The following FARS2 variants were observed in gnomAD, a reference collection of about 807,000 sequenced individuals.
The protein encoded by FARS2 is phenylalanine--tRNA ligase, mitochondrial.
FARS2 carries 40 observed loss-of-function variants against 46.4 expected under a neutral mutation model. The ratio of observed to expected loss-of-function variants is 0.86; its 90% CI spans 0.67 to 1.12. FARS2 has a LOEUF of 1.12. FARS2 is among the 50% of genes most tolerant of loss of function. The pLI, the probability that FARS2 is intolerant of heterozygous loss-of-function variation, is 0.00. For missense variants in FARS2, 513 were observed against 567.9 expected (o/e 0.90, Z 0.98); for synonymous variants, 234 against 214.9 (o/e 1.09, Z -0.78).
At chr6:5,312,382 C>T (rs377682834) in intron 1 of FARS2, among the ~76,000 whole-genome samples, 1 of 152,184 alleles carries the variant, frequency 6.6e-6, no homozygotes, top group East Asian at 1.9e-4. Flanking sequence ...TTCATAACAA[C>T]CTTGAGAAGT....
chr6:5,533,128 A>C (rs1410249175), intron 4 of FARS2, among the ~76,000 whole-genome samples: 1 of 152,146 alleles, frequency 6.6e-6, no homozygotes, highest in Non-Finnish European at 1.5e-5. Context: ...CCTGGGCCTC[A>C]GGGGACTTGC....
intron 1 of FARS2, among the ~76,000 whole-genome samples, chr6:5,296,243 A>G (rs770536240): frequency 1.0e-4 from 14 of 134,492 alleles, no homozygotes; most frequent in African/African-American, 2.8e-4. Context: ...CCGGGTTCAC[A>G]CCATTCTCCT....
chr6:5,489,612 A>C (rs957518480), intron 4 of FARS2, among the ~76,000 whole-genome samples: 1 of 152,038 alleles, frequency 6.6e-6, no homozygotes, highest in African/African-American at 2.4e-5. Context: ...ATATGCTTCC[A>C]TCTCTTTCCT....
chr6:5,327,273 ATTGT>A (rs1212772340), intron 1 of FARS2, among the ~76,000 whole-genome samples: 1 of 152,224 alleles, frequency 6.6e-6, no homozygotes, highest in Non-Finnish European at 1.5e-5. Context: ...CAAAATCTAC[ATTGT>A]TTGTCAAATT....
intron 6 of FARS2, among the ~76,000 whole-genome samples, chr6:5,639,074 A>C (rs1258404556): frequency 6.6e-6 from 1 of 152,244 alleles, no homozygotes; most frequent in Non-Finnish European, 1.5e-5. Flanking sequence ...ATGTAGTAGA[A>C]AGAGACCTGT....
chr6:5,285,651 T>C (rs1767055402), intron 1 of FARS2, among the ~76,000 whole-genome samples: 1 of 152,160 alleles, frequency 6.6e-6, no homozygotes, highest in Non-Finnish European at 1.5e-5. Flanking sequence ...CATTAGCAGT[T>C]CCATATCAGC....
At chr6:5,299,496 G>C (rs1201209380) in intron 1 of FARS2, among the ~76,000 whole-genome samples, 2 of 152,184 alleles carry the variant, frequency 1.3e-5, no homozygotes, top group Non-Finnish European at 2.9e-5. Flanking sequence ...GTCTTGGACT[G>C]TGGCTTTAAG....
chr6:5,508,112 A>C (rs1293089305), intron 4 of FARS2, among the ~76,000 whole-genome samples: 1 of 152,252 alleles, frequency 6.6e-6, no homozygotes, highest in Admixed American at 6.5e-5. Flanking sequence ...ATATATATGC[A>C]TATTCTAATG....
At chr6:5,420,601 T>G (rs1268981182) in intron 3 of FARS2, among the ~76,000 whole-genome samples, 1 of 152,190 alleles carries the variant, frequency 6.6e-6, no homozygotes, top group African/African-American at 2.4e-5. Flanking sequence ...AGCTCCAGAA[T>G]GATCTCCTTC....
At chr6:5,326,299 ACTGAAAGGACATTTCTT>A (rs1770376783) in intron 1 of FARS2, among the ~76,000 whole-genome samples, 1 of 152,212 alleles carries the variant, frequency 6.6e-6, no homozygotes, top group South Asian at 2.1e-4. Context: ...CTGGCTAGTG[ACTGAAAGGACATTTCTT>A]CTGTTCTGAG....
intron 5 of FARS2, among the ~76,000 whole-genome samples, chr6:5,594,129 C>G (rs1014111214): frequency 2.0e-5 from 3 of 148,730 alleles, no homozygotes; most frequent in African/African-American, 7.3e-5. Context: ...GGCCTAGGAT[C>G]TTTTCTTTGC....
At chr6:5,527,776 C>G (rs189565174) in intron 4 of FARS2, among the ~76,000 whole-genome samples, 52 of 152,298 alleles carry the variant, frequency 3.4e-4, no homozygotes, top group Admixed American at 7.2e-4. Context: ...ACAAAAACAA[C>G]TTCTATCTGA....
At chr6:5,644,152 A>G (rs966006785) in intron 6 of FARS2, among the ~76,000 whole-genome samples, 2 of 152,156 alleles carry the variant, frequency 1.3e-5, no homozygotes, top group Non-Finnish European at 2.9e-5. Context: ...TAGCGCAGCC[A>G]TCCTTGGCAG....
intron 6 of FARS2, among the ~76,000 whole-genome samples, chr6:5,751,066 T>C (rs1270843330): frequency 6.6e-6 from 1 of 152,096 alleles, no homozygotes; most frequent in Non-Finnish European, 1.5e-5. Flanking sequence ...CTGTTCAATG[T>C]TTTTTCTGAG....
At chr6:5,286,784 G>A (rs771671371) in intron 1 of FARS2, among the ~76,000 whole-genome samples, 11 of 152,176 alleles carry the variant, frequency 7.2e-5, no homozygotes, top group Non-Finnish European at 1.6e-4. Context: ...TATTATGTAT[G>A]TAACACATAT....
intron 5 of FARS2, among the ~76,000 whole-genome samples, chr6:5,549,613 G>A (rs1054278995): frequency 6.6e-6 from 1 of 152,068 alleles, no homozygotes; most frequent in Non-Finnish European, 1.5e-5. Context: ...AAGCCTTGCT[G>A]GGTAATTCAG....
chr6:5,401,502 T>C (rs902703431), intron 2 of FARS2, among the ~76,000 whole-genome samples: 3 of 152,180 alleles, frequency 2.0e-5, no homozygotes, highest in African/African-American at 7.2e-5. Flanking sequence ...CAATTGGATA[T>C]TAGTCTTTCA....
At chr6:5,755,611 T>C (rs1200242241) in intron 6 of FARS2, among the ~76,000 whole-genome samples, 2 of 152,246 alleles carry the variant, frequency 1.3e-5, no homozygotes, top group Non-Finnish European at 2.9e-5. Flanking sequence ...GTACTTTTTT[T>C]ATTGTTCTTG....
chr6:5,636,974 A>G (rs920175484), intron 6 of FARS2, among the ~76,000 whole-genome samples: 2 of 152,274 alleles, frequency 1.3e-5, no homozygotes, highest in Admixed American at 6.5e-5. Context: ...TGCAGGCACC[A>G]GATGGCAAGA....
Sources: gnomAD v4.1 joint callset for allele counts (sites outside exome capture counted in the v4.1 genomes callset) on GRCh38, gnomAD v4.1.1 for gene constraint, MANE v1.5 for transcripts, NCBI Gene and HGNC (gene_info 2026-07-23, HGNC 2026-07-21) for gene names.